CAMK4: variants seen among roughly 807,000 people sequenced by gnomAD.
CAMK4 encodes the protein calcium/calmodulin dependent protein kinase IV, also known as calcium/calmodulin-dependent protein kinase type IV.
CAMK4 carries 22 observed loss-of-function variants against 44.9 expected under a neutral mutation model. That is an observed-to-expected ratio of 0.49 (90% confidence interval 0.35 to 0.70). The LOEUF (loss-of-function observed/expected upper bound fraction) is 0.70, where lower values mean the gene tolerates loss of function less well. CAMK4 is among the 30% of genes least tolerant of loss of function. The pLI is 0.01. For synonymous variants in CAMK4, 218 were observed against 215.4 expected, an observed-to-expected ratio of 1.01 and a Z score of -0.11; for missense variants, 498 against 586.8, an observed-to-expected ratio of 0.85 and a Z score of 1.56.
intron 2 of CAMK4, among the ~76,000 whole-genome samples, chr5:111,369,318 G>A (rs143940346): frequency 0.016 from 2,438 of 152,134 alleles, 62 homozygotes; most frequent in African/African-American, 0.055. Flanking sequence ...ACCCACCTTG[G>A]CCTCCCAAAG....
At chr5:111,413,955 C>T (rs952918518) in intron 5 of CAMK4, among the ~76,000 whole-genome samples, 1 of 151,620 alleles carries the variant, frequency 6.6e-6, no homozygotes, top group Middle Eastern at 3.2e-3. Flanking sequence ...AAATATAAAT[C>T]TATATATATA....
intron 5 of CAMK4, among the ~76,000 whole-genome samples, chr5:111,429,460 T>C (rs1188646040): frequency 2.6e-5 from 4 of 151,870 alleles, no homozygotes. Flanking sequence ...AACAGACCAA[T>C]AAAAAGTAAT....
At chr5:111,458,091 G>T (rs1282911570) in intron 7 of CAMK4, among the ~76,000 whole-genome samples, 1 of 152,122 alleles carries the variant, frequency 6.6e-6, no homozygotes, top group Non-Finnish European at 1.5e-5. Flanking sequence ...AGGTGTGGAG[G>T]GTACCCCATA....
At chr5:111,300,649 T>C (rs1308703991) in intron 1 of CAMK4, among the ~76,000 whole-genome samples, 1 of 152,224 alleles carries the variant, frequency 6.6e-6, no homozygotes. Flanking sequence ...AGTTTTTTCC[T>C]TCATTGAAAC....
chr5:111,241,479 G>C (rs1748989612), intron 1 of CAMK4, among the ~76,000 whole-genome samples: 1 of 152,060 alleles, frequency 6.6e-6, no homozygotes, highest in Admixed American at 6.6e-5. Context: ...CTCTATGGAT[G>C]TCAACCTCTG....
At chr5:111,299,931 T>C (rs1747649780) in intron 1 of CAMK4, among the ~76,000 whole-genome samples, 1 of 152,236 alleles carries the variant, frequency 6.6e-6, no homozygotes. Flanking sequence ...TTTTTAAATG[T>C]CACCTGTGGT....
intron 2 of CAMK4, among the ~76,000 whole-genome samples, chr5:111,345,907 A>C (rs918501859): frequency 6.6e-6 from 1 of 151,974 alleles, no homozygotes; most frequent in African/African-American, 2.4e-5. Context: ...TGTCAGATGG[A>C]GCTGCAGAAT....
At chr5:111,238,547 G>GTT (rs60032548) in intron 1 of CAMK4, among the ~76,000 whole-genome samples, 2 of 144,128 alleles carry the variant, frequency 1.4e-5, no homozygotes, top group Admixed American at 7.0e-5. Flanking sequence ...TGAAAAAAAT[G>GTT]TTTTTTTTTT....
chr5:111,367,654 A>G (rs139313227), intron 2 of CAMK4, among the ~76,000 whole-genome samples: 1 of 152,258 alleles, frequency 6.6e-6, no homozygotes, highest in East Asian at 1.9e-4. Context: ...GGTTTAAATG[A>G]GATAGGACAT....
chr5:111,345,161 A>G (rs1284475321), intron 2 of CAMK4, among the ~76,000 whole-genome samples: 1 of 151,930 alleles, frequency 6.6e-6, no homozygotes, highest in East Asian at 1.9e-4. Context: ...GCATAATACT[A>G]CAAGGTTTTC....
intron 1 of CAMK4, among the ~76,000 whole-genome samples, chr5:111,294,355 G>A (rs150366323): frequency 2.8e-4 from 42 of 152,214 alleles, no homozygotes; most frequent in African/African-American, 8.7e-4. Context: ...TTCATTTTGC[G>A]TAGTACCCTC....
At chr5:111,333,615 A>G (rs1029580171) in intron 1 of CAMK4, among the ~76,000 whole-genome samples, 16 of 151,608 alleles carry the variant, frequency 1.1e-4, no homozygotes, top group African/African-American at 3.9e-4. Context: ...AAGTTTTATT[A>G]AATGTCTGAA....
intron 4 of CAMK4, among the ~76,000 whole-genome samples, chr5:111,391,048 G>C (rs1751777417): frequency 2.0e-5 from 3 of 152,156 alleles, no homozygotes; most frequent in Admixed American, 1.3e-4. Context: ...TTTCTGAAAA[G>C]TACAAGGGGT....
At chr5:111,457,852 C>A (rs1439754692) in intron 7 of CAMK4, among the ~76,000 whole-genome samples, 2 of 152,148 alleles carry the variant, frequency 1.3e-5, no homozygotes, top group Non-Finnish European at 2.9e-5. Context: ...AAGTAAAGGA[C>A]GATCTCACCC....
At chr5:111,284,560 G>A (rs1751161661) in intron 1 of CAMK4, among the ~76,000 whole-genome samples, 1 of 152,138 alleles carries the variant, frequency 6.6e-6, no homozygotes, top group African/African-American at 2.4e-5. Flanking sequence ...GCCTCAGATA[G>A]TCTCTCTTGC....
chr5:111,444,599 C>T (rs1285514489), intron 5 of CAMK4, among the ~76,000 whole-genome samples: 2 of 152,286 alleles, frequency 1.3e-5, no homozygotes, highest in South Asian at 2.1e-4. Context: ...TCTGCATTCT[C>T]TTGCTGCAAC....
At chr5:111,247,194 G>T (rs1276459904) in intron 1 of CAMK4, among the ~76,000 whole-genome samples, 10 of 151,340 alleles carry the variant, frequency 6.6e-5, no homozygotes, top group African/African-American at 2.4e-4. Context: ...TGTATGTAGT[G>T]TATGTGTACA....
intron 4 of CAMK4, among the ~76,000 whole-genome samples, chr5:111,388,489 A>G (rs1219293635): frequency 6.6e-6 from 1 of 151,916 alleles, no homozygotes; most frequent in African/African-American, 2.4e-5. Flanking sequence ...CCCAACTGCC[A>G]CCCTCCTTGC....
chr5:111,264,367 C>T (rs1200974933), intron 1 of CAMK4, among the ~76,000 whole-genome samples: 5 of 152,176 alleles, frequency 3.3e-5, no homozygotes, highest in African/African-American at 9.7e-5. Flanking sequence ...GTATAAACAA[C>T]TGGTGGAGGA....
Sources: allele counts gnomAD v4.1 joint callset (sites outside exome capture counted in the v4.1 genomes callset), GRCh38; gene constraint gnomAD v4.1.1; transcripts MANE v1.5; gene names NCBI Gene and HGNC (gene_info 2026-07-23, HGNC 2026-07-21).